SORBS3: variants seen among roughly 807,000 people sequenced by gnomAD.
SORBS3 encodes the protein sorbin and SH3 domain containing 3, also known as vinexin.
In SORBS3, 69 loss-of-function variants were observed where a neutral mutation model predicts 98.0. That is an observed-to-expected ratio of 0.70 (90% confidence interval 0.58 to 0.86). The LOEUF (loss-of-function observed/expected upper bound fraction) is 0.86, where lower values mean the gene tolerates loss of function less well. SORBS3 is among the 40% of genes least tolerant of loss of function. SORBS3 has a pLI of 0.00. For synonymous variants in SORBS3, 394 were observed against 355.4 expected (o/e 1.11, Z -1.22); for missense variants, 954 against 908.5 (o/e 1.05, Z -0.64).
At position 22,575,243 on chromosome 8, in the gene SORBS3, G is replaced by C. The variant is rs1840705341; in HGVS notation, c.*515G>C. The C allele has an allele frequency of 3.2e-6, 1 of 314,010 alleles. No individual in the cohort carries two copies. The highest frequency in any genetic ancestry group is 6.3e-6 in the Non-Finnish European group (1 of 159,378). 19.5% of individuals were successfully genotyped at this position (314,010 alleles called of 1,614,324 possible). A position where few individuals can be genotyped will look rare whatever the true frequency, so the allele number is the denominator to read the frequency against. On this transcript the variant is annotated 3_prime_UTR_variant, in exon 21 of 21. Coordinates refer to ENST00000240123, the MANE Select transcript of SORBS3 (RefSeq NM_005775.5). ...GGTGTGGGGGGGCGGAGCAAGGCGGGGGACAGACGCAGCACCTTCTTAGCG... is the reference window on the plus strand; with the variant it reads ...GGTGTGGGGGGGCGGAGCAAGGCGGCGGACAGACGCAGCACCTTCTTAGCG...
At position 22,551,988 on chromosome 8, in the gene SORBS3, C is replaced by A. The variant is rs1413665157; in HGVS notation, c.-90C>A. ...GCAGGGATGCTCCTGCGCTCCCGGG[C>A]GGCCTCGGGCCCAGCCACCTGCTCG... On this transcript the variant is annotated 5_prime_UTR_variant, in exon 1 of 21. Transcript: ENST00000240123. The surrounding 1 kb of genome is among the most constrained non-coding windows in gnomAD (Gnocchi z 5.8). 3.0e-6 allele frequency: 3 copies of A among 983,870 alleles called. No individual in the cohort carries two copies. The highest frequency in any genetic ancestry group is 3.6e-6 in the Non-Finnish European group (3 of 829,316). 60.9% of individuals were successfully genotyped at this position (983,870 alleles called of 1,614,324 possible).
intron 19 of SORBS3, 123 bp from the exon 20 acceptor site, chr8:22,572,216 CT>C (rs1269632169): frequency 2.6e-6 from 2 of 782,184 alleles, no homozygotes; most frequent in Non-Finnish European, 4.4e-6. Context: ...CTGAGTTGCT[CT>C]GAGGAGCTGG....
Position 22,554,340 on chromosome 8 carries a change from G to T in SORBS3, c.-55-112G>T. On this transcript the variant is annotated intron_variant, in intron 1 of 20. Coordinates refer to ENST00000240123, the MANE Select transcript of SORBS3 (RefSeq NM_005775.5). The surrounding 1 kb of genome is among the most constrained non-coding windows in gnomAD (Gnocchi z 6.5). ...GGGTCCTTGAGCTAGTACCCAGCTG[G>T]TCCTGACCCCCTCCCACAGCCGGCC... 1 of 1,154,704 alleles carries T rather than the reference G, an allele frequency of 8.7e-7. No individual in the cohort carries two copies. Among genetic ancestry groups the T allele is most frequent in the East Asian group, 2.7e-5 (1 of 37,658 alleles). The allele number at this position is 1,154,704 out of a possible 1,614,324, so 71.5% of individuals were successfully genotyped here.
intron 8 of SORBS3, 56 bp from the exon 9 acceptor site, chr8:22,564,227 T>G: frequency 6.5e-7 from 1 of 1,527,824 alleles, no homozygotes; most frequent in Non-Finnish European, 8.9e-7. Context: ...ATTTTGAGCC[T>G]GGCCAGTGTC....
chr8:22,565,470 G>A, intron 11 of SORBS3, 116 bp downstream of exon 11: 2 of 826,224 alleles, frequency 2.4e-6, no homozygotes, highest in South Asian at 6.1e-5. Context: ...CCGGCCTCCA[G>A]CGGCGCGCAC....
intron 1 of SORBS3, among the ~76,000 whole-genome samples, chr8:22,552,468 C>T (rs1445759009): frequency 1.3e-5 from 2 of 152,238 alleles, no homozygotes; most frequent in Admixed American, 1.3e-4. Flanking sequence ...AGTCTCCTGA[C>T]CTGGCTGCCA....
rs572382148 is a variant in SORBS3, at chr8:22,575,508, G to T, written c.*780G>T. 1 of 153,860 alleles carries T rather than the reference G, an allele frequency of 6.5e-6. No homozygotes were observed. Among genetic ancestry groups the T allele is most frequent in the East Asian group, 1.9e-4 (1 of 5,194 alleles). 9.5% of individuals were successfully genotyped at this position (153,860 alleles called of 1,614,324 possible). A position where few individuals can be genotyped will look rare whatever the true frequency, so the allele number is the denominator to read the frequency against. ...TGGACACAAGGGACCTTGTCTCTGCGGCCTTTTCCTTGGGGTAGGGGATGC... is the reference window on the plus strand; with the variant it reads ...TGGACACAAGGGACCTTGTCTCTGCTGCCTTTTCCTTGGGGTAGGGGATGC... On this transcript the variant is annotated 3_prime_UTR_variant, in exon 21 of 21. Transcript: ENST00000240123.
chr8:22,551,901 C>T, upstream of SORBS3: 1 of 984,482 alleles, frequency 1.0e-6, no homozygotes, highest in Middle Eastern at 5.2e-4. The surrounding 1 kb of genome is among the most constrained non-coding windows in gnomAD (Gnocchi z 5.8). Flanking sequence ...TCACGAGGGC[C>T]GCGACGGCCC....
In SORBS3 at chr8:22,569,224, C is replaced by T; in HGVS notation, c.1382C>T (p.Ala461Val). ...YQVLEYGEAV[A>V]QYTFKGDLEV... ...GTGCTGGAGTATGGAGAGGCTGTGG[C>T]CCAGTACACCTTCAAGGGGGACCTG... is the stretch of plus-strand genomic sequence containing the variant. The change falls in exon 17 of 21, where the codon GCC (alanine) becomes GTC (valine). Residue 461 changes from alanine to valine, a missense_variant. By Grantham distance (64) the Ala-to-Val change is moderately conservative. Transcript: ENST00000240123. 5 of 1,610,444 alleles carry T rather than the reference C, an allele frequency of 3.1e-6. No individual in the cohort carries two copies. Among genetic ancestry groups the T allele is most frequent in the Non-Finnish European group, 4.2e-6 (5 of 1,178,238 alleles).
chr8:22,551,654 C>G (rs1840083272), upstream of SORBS3: 1 of 893,326 alleles, frequency 1.1e-6, no homozygotes. This position sits in a 1 kb window ranked among gnomAD's most constrained non-coding sequence, Gnocchi z 5.8. Context: ...CGCCGCCTCC[C>G]CGCCGGCCAG....
chr8:22,561,740 C>T, intron 6 of SORBS3, 125 bp from the exon 7 acceptor site: 1 of 845,330 alleles, frequency 1.2e-6, no homozygotes, highest in East Asian at 2.6e-5. Context: ...CACCCTGCCC[C>T]CACCATCCAC....
chr8:22,573,114 G>A (rs1840632913), intron 20 of SORBS3, among the ~76,000 whole-genome samples: 1 of 149,024 alleles, frequency 6.7e-6, no homozygotes, highest in African/African-American at 2.5e-5. Context: ...GGGGCTGCTT[G>A]GGCAGCCCCT....
chr8:22,560,604 C>CG (rs1840271875), intron 5 of SORBS3, among the ~76,000 whole-genome samples: 1 of 152,072 alleles, frequency 6.6e-6, no homozygotes, highest in African/African-American at 2.4e-5. Flanking sequence ...GATTTGGCAA[C>CG]GTGGAGGTCA....
chr8:22,565,812 G>C lies in SORBS3; in HGVS notation c.904-14G>C. 7.6e-7 allele frequency: 1 copy of C among 1,316,810 alleles called. No individual in the cohort carries two copies. Among genetic ancestry groups the C allele is most frequent in the South Asian group, 2.0e-5 (1 of 50,284 alleles). 81.6% of individuals were successfully genotyped at this position (1,316,810 alleles called of 1,614,324 possible). A position where few individuals can be genotyped will look rare whatever the true frequency, so the allele number is the denominator to read the frequency against. On this transcript the variant is annotated splice_polypyrimidine_tract_variant and intron_variant, in intron 11 of 20. Transcript: ENST00000240123. ...CGGGGTCGCGGGCCCTGATTGCGCC[G>C]TTTCCCCGCGCAGAGCTCGCCGGCG...
At chr8:22,552,932 C>T in intron 1 of SORBS3, among the ~76,000 whole-genome samples, 1 of 152,192 alleles carries the variant, frequency 6.6e-6, no homozygotes, top group Non-Finnish European at 1.5e-5. Context: ...CCTCAGCCCT[C>T]CACTCCCCCC....
chr8:22,572,117 G>A (rs1266130803), intron 19 of SORBS3, among the ~76,000 whole-genome samples: 1 of 152,170 alleles, frequency 6.6e-6, no homozygotes, highest in Admixed American at 6.5e-5. Context: ...TGGACAGGAA[G>A]GCACCAGGTG....
At chr8:22,566,598 G>GT in intron 13 of SORBS3, 63 bp from the exon 14 acceptor site, 6 of 1,578,684 alleles carry the variant, frequency 3.8e-6, no homozygotes, top group Non-Finnish European at 3.4e-6. Flanking sequence ...CCTGCCCTAG[G>GT]TGGGGGTGCA....
chr8:22,574,669 G>A lies in SORBS3; in HGVS notation c.1957G>A (p.Val653Ile). 6.2e-7 allele frequency: 1 copy of A among 1,612,676 alleles called. No individual in the cohort carries two copies. Among genetic ancestry groups the A allele is most frequent in the Non-Finnish European group, 8.5e-7 (1 of 1,179,236 alleles). ...TCTTCCTGCCTTTCCTCTTTCAGGT[G>A]TCTCCCGGAGGACCCAGAAATTCGG... Reference protein sequence around the residue: ...QQCDDGWFVGVSRRTQKFGTF... With the variant: ...QQCDDGWFVGISRRTQKFGTF... Residue 653 changes from valine (V) to isoleucine (I), a missense_variant and splice_region_variant, in exon 21 of 21, where the codon GTC becomes ATC. Val to Ile is a conservative substitution (Grantham distance 29). Coordinates refer to ENST00000240123, the MANE Select transcript of SORBS3 (RefSeq NM_005775.5).
At position 22,554,899 on chromosome 8, in the gene SORBS3, A is replaced by G; in HGVS notation, c.139A>G (p.Asn47Asp). The change falls in exon 3 of 21, where the codon AAT (asparagine) becomes GAT (aspartate). Residue 47 changes from asparagine (N) to aspartate (D), a missense_variant. Transcript: ENST00000240123. The surrounding 1 kb of genome is among the most constrained non-coding windows in gnomAD (Gnocchi z 6.5). ...CCGGAATGGTGGCTCCAACACCCTTAATTTCCAGTTCCACGACCCCGCGCC... is the reference window on the plus strand; with the variant it reads ...CCGGAATGGTGGCTCCAACACCCTTGATTTCCAGTTCCACGACCCCGCGCC... ...VIRNGGSNTL[N>D]FQFHDPAPRT... 1 of 1,613,240 alleles carries G rather than the reference A, an allele frequency of 6.2e-7. No individual in the cohort carries two copies. Among genetic ancestry groups the G allele is most frequent in the Non-Finnish European group, 8.5e-7 (1 of 1,179,854 alleles).
Sources: gnomAD v4.1 joint callset for allele counts (sites outside exome capture counted in the v4.1 genomes callset) on GRCh38, gnomAD v4.1.1 for gene constraint, Gnocchi (gnomAD v3.1) non-coding constraint, MANE v1.5 for transcripts, NCBI Gene and HGNC (gene_info 2026-07-23, HGNC 2026-07-21) for gene names.